Variants in PAX5 observed in about 807,000 individuals in gnomAD.
PAX5 encodes the protein paired box 5.
In PAX5, 9 loss-of-function variants were observed where a neutral mutation model predicts 43.7. That is an observed-to-expected ratio of 0.21 (90% CI 0.12 to 0.36). The LOEUF is 0.36. Ranked by LOEUF, PAX5 falls within the 10% of genes least tolerant of loss-of-function variation. The pLI, the probability that PAX5 is intolerant of heterozygous loss-of-function variation, is 1.00. For missense variants in PAX5, 383 were observed against 532.7 expected (o/e 0.72, Z 2.77); for synonymous variants, 228 against 214.3 (o/e 1.06, Z -0.56).
chr9:36,886,942 C>G (rs1230414384), intron 7 of PAX5, among the ~76,000 whole-genome samples: 1 of 152,200 alleles, frequency 6.6e-6, no homozygotes, highest in Non-Finnish European at 1.5e-5. Context: ...ACAAAGGCCA[C>G]TCCTCCAGAA....
At chr9:36,878,607 G>A (rs923670476) in intron 8 of PAX5, among the ~76,000 whole-genome samples, 12 of 152,218 alleles carry the variant, frequency 7.9e-5, no homozygotes, top group Admixed American at 5.9e-4. Context: ...GGGTTGGGGA[G>A]GCTGGGAGAG....
chr9:36,969,433 AGGGCCCC>A (rs375837319), intron 5 of PAX5, among the ~76,000 whole-genome samples: 1 of 152,320 alleles, frequency 6.6e-6, no homozygotes, highest in African/African-American at 2.4e-5. Flanking sequence ...GGCTCCACTG[AGGGCCCC>A]TGGGGGCAAG....
chr9:36,933,784 T>C (rs1774310653), intron 6 of PAX5, among the ~76,000 whole-genome samples: 1 of 152,222 alleles, frequency 6.6e-6, no homozygotes, highest in Non-Finnish European at 1.5e-5. Flanking sequence ...TTGATTACAA[T>C]GGATCAGATG....
At chr9:36,986,060 G>C (rs924838014) in intron 5 of PAX5, among the ~76,000 whole-genome samples, 3 of 151,910 alleles carry the variant, frequency 2.0e-5, no homozygotes, top group Non-Finnish European at 2.9e-5. Flanking sequence ...CGCCAGCTCC[G>C]TCCGACCCCC....
At chr9:36,975,738 G>A (rs80338289) in intron 5 of PAX5, among the ~76,000 whole-genome samples, 6,441 of 152,236 alleles carry the variant, frequency 0.042, 141 homozygotes, top group Middle Eastern at 0.048. Flanking sequence ...TGTAGAGTGG[G>A]ATAATAATAG....
chr9:37,026,540 G>A, intron 1 of PAX5: 2 of 1,331,346 alleles, frequency 1.5e-6, no homozygotes, highest in South Asian at 2.5e-5. Context: ...TACTATGCAT[G>A]GATGCAAACG....
rs1826490904 is a variant in PAX5 at position 36,882,182 on chromosome 9, T to G, written c.911-77A>C. 4 of 1,199,446 alleles carry G rather than the reference T, an allele frequency of 3.3e-6. No homozygotes were observed. The highest frequency in any genetic ancestry group is 4.7e-6 in the Non-Finnish European group (4 of 857,308). 74.3% of individuals were successfully genotyped at this position (1,199,446 alleles called of 1,614,324 possible). ...CTCATGTCCACAGCTCCCTGGACGC[T>G]TCTGCACATTTGTCACGTTTGGACG... On this transcript the variant is annotated intron_variant, in intron 7 of 9. Coordinates refer to ENST00000358127, the MANE Select transcript of PAX5 (RefSeq NM_016734.3). The surrounding 1 kb of genome is among the most constrained non-coding windows in gnomAD (Gnocchi z 4.4).
chr9:36,936,410 A>G (rs1831555469), intron 6 of PAX5, among the ~76,000 whole-genome samples: 1 of 152,206 alleles, frequency 6.6e-6, no homozygotes, highest in South Asian at 2.1e-4. Context: ...CTCCATCTCC[A>G]GGTGGCCAAG....
At chr9:36,840,729 C>A in intron 9 of PAX5, 93 bp from the exon 10 acceptor site, 1 of 749,810 alleles carries the variant, frequency 1.3e-6, no homozygotes, top group Non-Finnish European at 2.2e-6. Context: ...CTCACTCAGT[C>A]CGGGCCACCA....
chr9:36,907,493 C>T (rs2131886143), intron 7 of PAX5, among the ~76,000 whole-genome samples: 1 of 152,248 alleles, frequency 6.6e-6, no homozygotes, highest in South Asian at 2.1e-4. Flanking sequence ...CTGTCCTCTG[C>T]CCTTCTTGGG....
intron 5 of PAX5, among the ~76,000 whole-genome samples, chr9:36,973,804 A>C (rs12350515): frequency 0.16 from 24,729 of 152,092 alleles, 2,518 homozygotes; most frequent in African/African-American, 0.28. Flanking sequence ...TCAGGAGTTC[A>C]AGACCAGCCT....
In PAX5 at chr9:36,966,551, G is replaced by A. The variant is rs1834453650; in HGVS notation, c.778C>T (p.Gln260Ter). Residue 260 changes from glutamine to a stop codon, truncating the protein, a stop_gained and splice_region_variant, in exon 6 of 10, where the codon CAG becomes TAG. Transcript: ENST00000358127. LOFTEE classifies it high-confidence loss of function. ...TGGGCGTGCATCACGAGGCGTACCT[G>A]CTCGGGCTTGATGGGCTCTGTGGTG... ...FTTTEPIKPE[Q>*]TTEYSAMASL... 1 of 1,613,374 alleles carries A rather than the reference G, an allele frequency of 6.2e-7. No homozygotes were observed. Among genetic ancestry groups the A allele is most frequent in the Non-Finnish European group, 8.5e-7 (1 of 1,179,444 alleles).
intron 3 of PAX5, among the ~76,000 whole-genome samples, chr9:37,012,803 G>C (rs1050853209): frequency 6.6e-6 from 1 of 152,134 alleles, no homozygotes; most frequent in African/African-American, 2.4e-5. Flanking sequence ...TGTTACTTAC[G>C]TTTTTCTAAC....
intron 3 of PAX5, among the ~76,000 whole-genome samples, chr9:37,013,555 A>T (rs1839147186): frequency 6.6e-6 from 1 of 152,168 alleles, no homozygotes; most frequent in African/African-American, 2.4e-5. Context: ...GCCAGAAGTA[A>T]GGGGCTCATA....
chr9:37,015,206 A>G lies in PAX5; in HGVS notation c.213-12T>C. The G allele has an allele frequency of 6.2e-7, 1 of 1,611,664 alleles. No homozygotes were observed. The highest frequency in any genetic ancestry group is 8.5e-7 in the Non-Finnish European group (1 of 1,177,918). The stretch of plus-strand genomic sequence containing the variant: ...CTGTCTCATAATACCTAGGACCCAA[A>G]GAGAAAGAAGCTTAGCCATGAGGAA... On this transcript the variant is annotated splice_polypyrimidine_tract_variant and intron_variant, in intron 2 of 9. Transcript: ENST00000358127. This position sits in a 1 kb window ranked among gnomAD's most constrained non-coding sequence, Gnocchi z 4.4.
At chr9:36,945,928 TTGTACTC>T (rs1343286863) in intron 6 of PAX5, among the ~76,000 whole-genome samples, 5 of 152,226 alleles carry the variant, frequency 3.3e-5, no homozygotes, top group Admixed American at 6.5e-5. Flanking sequence ...GGCACATCAT[TTGTACTC>T]TATTGTTACA....
chr9:36,862,639 G>T (rs879646530), intron 8 of PAX5, among the ~76,000 whole-genome samples: 1 of 152,196 alleles, frequency 6.6e-6, no homozygotes, highest in Non-Finnish European at 1.5e-5. Flanking sequence ...CCTGGCTGGG[G>T]GCGTTTGGTC....
intron 5 of PAX5, among the ~76,000 whole-genome samples, chr9:36,971,306 A>C (rs1039180801): frequency 6.6e-6 from 1 of 152,236 alleles, no homozygotes; most frequent in Non-Finnish European, 1.5e-5. Context: ...GTGGGTACTC[A>C]GTGAGAATGA....
rs529936287 is a variant in PAX5 at position 36,833,775 on chromosome 9, AT to A, written c.*6784del. 9.4e-3 allele frequency: 1,846 copies of A among 196,238 alleles called. 4 individuals carry two copies. Among genetic ancestry groups the A allele is most frequent in the East Asian group, 0.034 (417 of 12,290 alleles). 12.2% of individuals were successfully genotyped at this position (196,238 alleles called of 1,614,324 possible). A position where few individuals can be genotyped will look rare whatever the true frequency, so the allele number is the denominator to read the frequency against. Reference sequence around the variant, plus strand: ...AAAACATACACATTTTTTAAGAAGCATTTTTTTTTTTCAATCCGTTGGAGAC... The same window carrying A: ...AAAACATACACATTTTTTAAGAAGCATTTTTTTTTTCAATCCGTTGGAGAC... On this transcript the variant is annotated 3_prime_UTR_variant, in exon 10 of 10. Coordinates refer to ENST00000358127, the MANE Select transcript of PAX5 (RefSeq NM_016734.3).
Sources: allele counts gnomAD v4.1 joint callset (sites outside exome capture counted in the v4.1 genomes callset), GRCh38; gene constraint gnomAD v4.1.1; non-coding constraint Gnocchi (gnomAD v3.1); transcripts MANE v1.5; gene names NCBI Gene and HGNC (gene_info 2026-07-23, HGNC 2026-07-21).